The following SLC24A2 variants were observed in gnomAD, a reference collection of about 807,000 sequenced individuals.
The protein encoded by SLC24A2 is solute carrier family 24 member 2.
Under a neutral mutation model 62.0 loss-of-function variants are expected in SLC24A2, and 36 were observed. The ratio of observed to expected loss-of-function variants is 0.58; its 90% confidence interval spans 0.44 to 0.77. The LOEUF (loss-of-function observed/expected upper bound fraction) is 0.77. Among genes scored for constraint, SLC24A2 ranks in the 30% least tolerant of loss-of-function variants. The probability of loss-of-function intolerance (pLI) is 0.00; values close to 1 mark genes in which losing one functional copy is unlikely to be tolerated. For missense variants in SLC24A2, 846 were observed against 817.9 expected (o/e 1.03, Z -0.42); for synonymous variants, 358 against 294.0 (o/e 1.22, Z -2.23).
chr9:20,273,160 C>T, the SLC24A2 span, among the ~76,000 whole-genome samples: 24 of 152,176 alleles, frequency 1.6e-4, no homozygotes, highest in African/African-American at 4.8e-4. Context: ...GACACACTGC[C>T]CCCAAAATAT....
chr9:20,290,560 C>CT, the SLC24A2 span, among the ~76,000 whole-genome samples: 1 of 152,334 alleles, frequency 6.6e-6, no homozygotes, highest in East Asian at 1.9e-4. Context: ...ACAGAGAAAG[C>CT]TTAGCGCTTT....
intron 2 of SLC24A2, among the ~76,000 whole-genome samples, chr9:19,713,232 G>A (rs1820764350): frequency 6.6e-6 from 1 of 151,998 alleles, no homozygotes; most frequent in Non-Finnish European, 1.5e-5. Context: ...CATGAATGAA[G>A]GAAGGAAGTA....
chr9:20,017,838 GCCCA>G, the SLC24A2 span, among the ~76,000 whole-genome samples: 1 of 152,196 alleles, frequency 6.6e-6, no homozygotes, highest in Non-Finnish European at 1.5e-5. Context: ...ATTAGATGGT[GCCCA>G]CCCAGATTTC....
At chr9:19,543,419 G>A (rs1203551980) in intron 8 of SLC24A2, among the ~76,000 whole-genome samples, 1 of 143,810 alleles carries the variant, frequency 7.0e-6, no homozygotes, top group African/African-American at 2.5e-5. Context: ...GGTTTTTCAT[G>A]TCTCTATCTC....
intron 2 of SLC24A2, among the ~76,000 whole-genome samples, chr9:19,631,634 C>T (rs898714695): frequency 2.0e-5 from 3 of 152,128 alleles, no homozygotes; most frequent in Non-Finnish European, 2.9e-5. Context: ...TGACTGCTGG[C>T]CATAAGCGGT....
the SLC24A2 span, among the ~76,000 whole-genome samples, chr9:20,297,196 A>G: frequency 2.0e-5 from 3 of 152,176 alleles, no homozygotes; most frequent in Non-Finnish European, 4.4e-5. Flanking sequence ...CTCATGACCA[A>G]TGTGCCAGTC....
chr9:19,670,219 A>C (rs1436462911), intron 2 of SLC24A2, among the ~76,000 whole-genome samples: 1 of 152,196 alleles, frequency 6.6e-6, no homozygotes, highest in African/African-American at 2.4e-5. Context: ...TGGTAAGTAC[A>C]AGTAAGAATG....
chr9:19,906,444 A>T, the SLC24A2 span, among the ~76,000 whole-genome samples: 4 of 151,792 alleles, frequency 2.6e-5, no homozygotes, highest in Admixed American at 2.6e-4. Flanking sequence ...AAACACATTC[A>T]AAAGCTAGCA....
intron 2 of SLC24A2, among the ~76,000 whole-genome samples, chr9:19,746,989 G>C (rs532411007): frequency 6.6e-6 from 1 of 152,250 alleles, no homozygotes; most frequent in Non-Finnish European, 1.5e-5. Flanking sequence ...CAGTTGTTGA[G>C]TGTCTACTGT....
chr9:20,304,890 A>G, the SLC24A2 span, among the ~76,000 whole-genome samples: 1 of 151,766 alleles, frequency 6.6e-6, no homozygotes, highest in Non-Finnish European at 1.5e-5. Context: ...CACCTGGGTC[A>G]CGACAGTAAC....
At chr9:19,956,555 C>G in the SLC24A2 span, among the ~76,000 whole-genome samples, 4 of 152,122 alleles carry the variant, frequency 2.6e-5, no homozygotes, top group South Asian at 6.2e-4. Flanking sequence ...GGAGGCCTCA[C>G]AATTGTGATG....
the SLC24A2 span, among the ~76,000 whole-genome samples, chr9:19,911,253 T>G: frequency 1.3e-5 from 2 of 152,132 alleles, no homozygotes; most frequent in Non-Finnish European, 2.9e-5. Context: ...GAACTCATCG[T>G]TTTTTATGGC....
chr9:19,884,566 T>C, the SLC24A2 span, among the ~76,000 whole-genome samples: 1 of 152,350 alleles, frequency 6.6e-6, no homozygotes, highest in South Asian at 2.1e-4. Context: ...TGCTTATGTA[T>C]ATATGTATAT....
intron 4 of SLC24A2, among the ~76,000 whole-genome samples, chr9:19,616,446 C>T (rs1189204753): frequency 6.6e-6 from 1 of 152,140 alleles, no homozygotes; most frequent in Non-Finnish European, 1.5e-5. Flanking sequence ...GGGATCTGGA[C>T]CCAGAGTCTG....
chr9:19,577,471 T>C (rs912946095), intron 5 of SLC24A2, among the ~76,000 whole-genome samples: 5 of 152,110 alleles, frequency 3.3e-5, no homozygotes, highest in African/African-American at 1.2e-4. Flanking sequence ...TATCCCTAAC[T>C]GAAAAAACCA....
chr9:20,144,236 G>A, the SLC24A2 span, among the ~76,000 whole-genome samples: 2 of 152,190 alleles, frequency 1.3e-5, no homozygotes, highest in East Asian at 3.9e-4. Context: ...GAACTTTTCA[G>A]CTAGCACATG....
the SLC24A2 span, among the ~76,000 whole-genome samples, chr9:19,850,952 T>C: frequency 1.6e-3 from 43 of 27,278 alleles, no homozygotes; most frequent in African/African-American, 3.9e-3. Context: ...TATACATATA[T>C]ATATATATAT....
At chr9:20,049,408 TACTAAATAGTATACTAA>T in the SLC24A2 span, among the ~76,000 whole-genome samples, 12 of 152,298 alleles carry the variant, frequency 7.9e-5, no homozygotes, top group African/African-American at 2.9e-4. Flanking sequence ...CTAAATAGTT[TACTAAATAGTATACTAA>T]ACTAAATAGT....
the SLC24A2 span, among the ~76,000 whole-genome samples, chr9:19,827,933 T>C: frequency 6.6e-6 from 1 of 152,190 alleles, no homozygotes; most frequent in African/African-American, 2.4e-5. Context: ...AAAATTGAGA[T>C]TCATCTGAGT....
Sources: gnomAD v4.1 joint callset for allele counts (sites outside exome capture counted in the v4.1 genomes callset) on GRCh38, gnomAD v4.1.1 for gene constraint, MANE v1.5 for transcripts, NCBI Gene and HGNC (gene_info 2026-07-23, HGNC 2026-07-21) for gene names.